The following ZNF644 variants were observed in gnomAD, a reference collection of about 807,000 sequenced individuals.
ZNF644 encodes the protein zinc finger protein 644, also known as zinc finger motif enhancer binding protein 2.
Under a neutral mutation model 108.0 loss-of-function variants are expected in ZNF644, and 20 were observed. That is an observed-to-expected ratio of 0.19 (90% CI 0.13 to 0.27). The LOEUF (loss-of-function observed/expected upper bound fraction) is 0.27, where lower values mean the gene tolerates loss of function less well. Ranked by LOEUF, ZNF644 falls within the 10% of genes least tolerant of loss-of-function variation. ZNF644 has a pLI of 1.00. For synonymous variants in ZNF644, 542 were observed against 539.1 expected, an observed-to-expected ratio of 1.01 and a Z score of -0.08; for missense variants, 1,338 against 1,548.9, an observed-to-expected ratio of 0.86 and a Z score of 2.29.
intron 1 of ZNF644, among the ~76,000 whole-genome samples, chr1:91,012,341 G>C (rs1179661353): frequency 6.6e-6 from 1 of 151,770 alleles, no homozygotes; most frequent in African/African-American, 2.4e-5. Context: ...AGCCAGGCAT[G>C]ATGGCATGCA....
At chr1:90,958,154 G>A (rs1284034808) in intron 2 of ZNF644, among the ~76,000 whole-genome samples, 3 of 144,228 alleles carry the variant, frequency 2.1e-5, no homozygotes, top group Non-Finnish European at 4.5e-5. Flanking sequence ...TGTAATCCCA[G>A]CTACTCAGGA....
At chr1:90,926,988 C>A (rs1450489065) in intron 4 of ZNF644, among the ~76,000 whole-genome samples, 1 of 152,176 alleles carries the variant, frequency 6.6e-6, no homozygotes, top group Non-Finnish European at 1.5e-5. Context: ...CAGTCCAACT[C>A]AATTCCCTTA....
chr1:90,993,146 T>C (rs1657804214), intron 1 of ZNF644, among the ~76,000 whole-genome samples: 1 of 152,164 alleles, frequency 6.6e-6, no homozygotes, highest in Non-Finnish European at 1.5e-5. Context: ...GATTTCAGTT[T>C]GCCAGTTTTG....
intron 4 of ZNF644, among the ~76,000 whole-genome samples, chr1:90,919,361 G>C (rs1649163848): frequency 6.6e-6 from 1 of 152,104 alleles, no homozygotes; most frequent in Non-Finnish European, 1.5e-5. Flanking sequence ...GAAGGAACTG[G>C]CTGTTCAATG....
intron 4 of ZNF644, among the ~76,000 whole-genome samples, chr1:90,926,019 T>C (rs1649994017): frequency 2.6e-5 from 4 of 152,014 alleles, no homozygotes; most frequent in South Asian, 2.1e-4. Context: ...CATAAAACTT[T>C]CCTTCCTAAG....
chr1:90,935,047 C>T (rs1338981117), intron 4 of ZNF644, among the ~76,000 whole-genome samples: 2 of 152,098 alleles, frequency 1.3e-5, no homozygotes, highest in Non-Finnish European at 2.9e-5. Context: ...ACTATAGGGG[C>T]ACACCACTGA....
chr1:90,927,936 C>G (rs944086623), intron 4 of ZNF644, among the ~76,000 whole-genome samples: 2 of 151,806 alleles, frequency 1.3e-5, no homozygotes, highest in South Asian at 4.2e-4. Flanking sequence ...CTCCACCTCT[C>G]AGGTTTAAGC....
At chr1:90,988,150 ACT>A (rs1657293190) in intron 1 of ZNF644, among the ~76,000 whole-genome samples, 1 of 152,046 alleles carries the variant, frequency 6.6e-6, no homozygotes, top group Non-Finnish European at 1.5e-5. Context: ...TATGCAGAAA[ACT>A]CTTAAATTTT....
At chr1:90,921,966 T>G (rs918723636) in intron 4 of ZNF644, among the ~76,000 whole-genome samples, 2 of 152,146 alleles carry the variant, frequency 1.3e-5, no homozygotes, top group Non-Finnish European at 2.9e-5. Context: ...TCAAGTCTGT[T>G]TTCTGAGCCA....
At chr1:91,002,270 T>G (rs1658925861) in intron 1 of ZNF644, among the ~76,000 whole-genome samples, 1 of 152,150 alleles carries the variant, frequency 6.6e-6, no homozygotes, top group Non-Finnish European at 1.5e-5. Context: ...GCTACCTGAC[T>G]TCAAACTATA....
intron 1 of ZNF644, among the ~76,000 whole-genome samples, chr1:90,994,696 T>C (rs772130513): frequency 1.2e-4 from 19 of 152,084 alleles, no homozygotes; most frequent in Admixed American, 1.0e-3. Context: ...CTCTACAAGG[T>C]TGAAGTACTA....
intron 1 of ZNF644, among the ~76,000 whole-genome samples, chr1:91,014,222 T>C (rs1388820114): frequency 6.6e-6 from 1 of 152,168 alleles, no homozygotes; most frequent in Non-Finnish European, 1.5e-5. Context: ...CTAGCAACTT[T>C]CAAGTATGCA....
intron 1 of ZNF644, among the ~76,000 whole-genome samples, chr1:90,990,139 T>C (rs1657498449): frequency 6.6e-6 from 1 of 152,096 alleles, no homozygotes; most frequent in Non-Finnish European, 1.5e-5. Context: ...AGTGGAGTGG[T>C]TGTCAAAATC....
intron 1 of ZNF644, among the ~76,000 whole-genome samples, chr1:91,007,583 T>G (rs556322029): frequency 1.3e-5 from 2 of 152,136 alleles, no homozygotes; most frequent in Non-Finnish European, 2.9e-5. Flanking sequence ...TTCTCCCACT[T>G]TACAACTCTT....
At chr1:90,937,428 A>C in intron 4 of ZNF644, 57 bp downstream of exon 4, 1 of 1,609,730 alleles carries the variant, frequency 6.2e-7, no homozygotes, top group Non-Finnish European at 8.5e-7. Context: ...CCATTAAAGA[A>C]GGCATAATTG....
Position 90,940,101 on chromosome 1 carries a change from T to A in ZNF644, c.1253A>T (p.Asn418Ile). Residue 418 changes from asparagine to isoleucine, a missense_variant, in exon 3 of 6, where the codon AAT (asparagine) becomes ATT (isoleucine). By Grantham distance (149) the Asn-to-Ile change is moderately radical. Transcript: ENST00000337393. ...SFYPCTKCNV[N>I]FREKKHLHRH... is the part of the protein sequence containing the mutation. Reference sequence around the variant, plus strand: ...GTGGAGGTGCTTCTTCTCCCTAAAATTCACATTGCACTTTGTACAGGGGTA... The same window carrying A: ...GTGGAGGTGCTTCTTCTCCCTAAAAATCACATTGCACTTTGTACAGGGGTA... The A allele has an allele frequency of 6.2e-7, 1 of 1,614,076 alleles. No individual in the cohort carries two copies. Among genetic ancestry groups the A allele is most frequent in the Non-Finnish European group, 8.5e-7 (1 of 1,179,960 alleles).
intron 4 of ZNF644, chr1:90,935,430 ACT>A: frequency 1.0e-6 from 1 of 985,806 alleles, no homozygotes; most frequent in Non-Finnish European, 1.2e-6. Context: ...AAAGTCCAGC[ACT>A]CTTCTTTCGT....
intron 1 of ZNF644, among the ~76,000 whole-genome samples, chr1:90,995,181 G>A (rs1212218574): frequency 6.6e-6 from 1 of 151,776 alleles, no homozygotes; most frequent in Non-Finnish European, 1.5e-5. Flanking sequence ...AAAATTAAAA[G>A]AAATTATGTT....
At chr1:90,924,545 C>G (rs1649803344) in intron 4 of ZNF644, among the ~76,000 whole-genome samples, 1 of 152,084 alleles carries the variant, frequency 6.6e-6, no homozygotes, top group Non-Finnish European at 1.5e-5. Context: ...AACCACCAAA[C>G]TTTAAAATTT....
Sources: allele counts gnomAD v4.1 joint callset (sites outside exome capture counted in the v4.1 genomes callset), GRCh38; gene constraint gnomAD v4.1.1; transcripts MANE v1.5; gene names NCBI Gene and HGNC (gene_info 2026-07-23, HGNC 2026-07-21).